The following PLCB1 variants were observed in gnomAD, a reference collection of about 807,000 sequenced individuals.
PLCB1 encodes the protein 1-phosphatidylinositol 4,5-bisphosphate phosphodiesterase beta-1.
A neutral mutation model predicts 161.8 loss-of-function variants in PLCB1; 46 were observed. The ratio of observed to expected loss-of-function variants is 0.28; its 90% CI spans 0.22 to 0.36. The LOEUF (loss-of-function observed/expected upper bound fraction) is 0.36. Ranked by LOEUF, PLCB1 falls within the 10% of genes least tolerant of loss-of-function variation. The pLI is 1.00. For synonymous variants in PLCB1, 517 were observed against 503.7 expected (o/e 1.03, Z -0.35); for missense variants, 1,016 against 1,472.5 (o/e 0.69, Z 5.07).
intron 2 of PLCB1, among the ~76,000 whole-genome samples, chr20:8,285,524 T>C (rs1368171288): frequency 6.6e-6 from 1 of 152,124 alleles, no homozygotes; most frequent in Non-Finnish European, 1.5e-5. Flanking sequence ...GATATTACAG[T>C]CATAGGTTCA....
chr20:8,788,303 G>A, intron 27 of PLCB1, 146 bp from the exon 28 acceptor site: 1 of 676,472 alleles, frequency 1.5e-6, no homozygotes, highest in Non-Finnish European at 2.5e-6. Context: ...TGTCCTCATT[G>A]CCAATGTTAG....
At chr20:8,173,245 G>C (rs769560170) in intron 2 of PLCB1, among the ~76,000 whole-genome samples, 4 of 152,170 alleles carry the variant, frequency 2.6e-5, no homozygotes, top group African/African-American at 9.6e-5. Context: ...GAGTGACACC[G>C]GTAAGAGGTA....
chr20:8,456,557 A>C (rs1981326678), intron 3 of PLCB1, among the ~76,000 whole-genome samples: 1 of 152,208 alleles, frequency 6.6e-6, no homozygotes, highest in South Asian at 2.1e-4. Flanking sequence ...TTTTATGAGA[A>C]AAATAAATAA....
chr20:8,834,810 G>GAA lies in PLCB1; in HGVS notation c.3423+44575_3423+44576dup, dbSNP rs10568816. The stretch of plus-strand genomic sequence containing the variant: ...AGCCTGGGCGATAGACTCTGCCTCA[G>GAA]AAAAAAAAAAAAAAAAAAAAAAAAA... On this transcript the variant is annotated intron_variant, in intron 31 of 31. Coordinates refer to ENST00000338037, the MANE Select transcript of PLCB1 (RefSeq NM_015192.4). Among the ~76,000 whole-genome samples, 448 of 85,480 alleles carry GAA rather than the reference G, an allele frequency of 5.2e-3. 26 individuals are homozygous for GAA. Among genetic ancestry groups the GAA allele is most frequent in the South Asian group, 0.011 (24 of 2,236 alleles). 56.1% of individuals were successfully genotyped at this position (85,480 alleles called of 152,430 possible).
intron 2 of PLCB1, among the ~76,000 whole-genome samples, chr20:8,187,623 C>T (rs1467118413): frequency 1.3e-5 from 2 of 151,740 alleles, no homozygotes; most frequent in East Asian, 1.9e-4. Context: ...CATTCTTCTG[C>T]ACTTAGACTT....
At chr20:8,494,856 A>T (rs972161029) in intron 3 of PLCB1, among the ~76,000 whole-genome samples, 6 of 152,188 alleles carry the variant, frequency 3.9e-5, no homozygotes, top group Non-Finnish European at 8.8e-5. Context: ...GTTTCATGTT[A>T]TGTAAAACAC....
chr20:8,696,223 G>T (rs1275120680), intron 10 of PLCB1, among the ~76,000 whole-genome samples: 1 of 152,084 alleles, frequency 6.6e-6, no homozygotes, highest in East Asian at 1.9e-4. Flanking sequence ...TTATTTTTAT[G>T]TGGCTATCCA....
intron 23 of PLCB1, among the ~76,000 whole-genome samples, chr20:8,743,015 T>C (rs997658075): frequency 6.6e-6 from 1 of 152,228 alleles, no homozygotes; most frequent in Non-Finnish European, 1.5e-5. Context: ...TAATTTGACT[T>C]TTTCCAGTTT....
intron 2 of PLCB1, among the ~76,000 whole-genome samples, chr20:8,214,189 T>A (rs940125338): frequency 4.6e-5 from 7 of 152,146 alleles, no homozygotes; most frequent in African/African-American, 1.4e-4. Flanking sequence ...AAAGTAGCTA[T>A]GTAACATAGT....
chr20:8,678,915 G>A (rs1480715053), intron 9 of PLCB1, among the ~76,000 whole-genome samples: 1 of 152,122 alleles, frequency 6.6e-6, no homozygotes, highest in South Asian at 2.1e-4. Context: ...CTGATTGCAT[G>A]GGCTGCAACT....
intron 3 of PLCB1, among the ~76,000 whole-genome samples, chr20:8,523,058 A>T (rs1196481181): frequency 6.6e-6 from 1 of 152,144 alleles, no homozygotes; most frequent in African/African-American, 2.4e-5. Context: ...GCAGTTGAGG[A>T]TGAGATTGCT....
intron 2 of PLCB1, among the ~76,000 whole-genome samples, chr20:8,255,397 A>G (rs1981360460): frequency 6.6e-6 from 1 of 152,122 alleles, no homozygotes; most frequent in Non-Finnish European, 1.5e-5. Flanking sequence ...GAAACAAAAC[A>G]GAACAAGACA....
In PLCB1 at chr20:8,555,167, G is replaced by A. The variant is rs116959909; in HGVS notation, c.247-73127G>A. On this transcript the variant is annotated intron_variant, in intron 3 of 31. Coordinates refer to ENST00000338037, the MANE Select transcript of PLCB1 (RefSeq NM_015192.4). ...TTTTGCTGGTTTTATCAGTGTTTTC[G>A]TGGAGAAATGGGCCCTTGGGGCTCC... Among the ~76,000 whole-genome samples the A allele has an allele frequency of 4.4e-4, 67 of 151,994 alleles. 2 individuals carry two copies. Among genetic ancestry groups the A allele is most frequent in the East Asian group, 2.1e-3 (11 of 5,156 alleles).
At chr20:8,496,285 A>G (rs1409266061) in intron 3 of PLCB1, among the ~76,000 whole-genome samples, 2 of 151,272 alleles carry the variant, frequency 1.3e-5, no homozygotes, top group African/African-American at 4.9e-5. Context: ...TTGAGCCCAG[A>G]AGTTCGAGAC....
At chr20:8,274,004 G>GA (rs1399152430) in intron 2 of PLCB1, among the ~76,000 whole-genome samples, 3 of 152,116 alleles carry the variant, frequency 2.0e-5, no homozygotes, top group Non-Finnish European at 4.4e-5. Flanking sequence ...AGATATAGGA[G>GA]AAAAAATCAT....
chr20:8,501,721 T>G (rs1983415037), intron 3 of PLCB1, among the ~76,000 whole-genome samples: 1 of 152,130 alleles, frequency 6.6e-6, no homozygotes, highest in Admixed American at 6.5e-5. Flanking sequence ...GAGTTGAGTT[T>G]CCTGTAAATT....
chr20:8,449,660 G>A (rs1319487386), intron 3 of PLCB1, among the ~76,000 whole-genome samples: 1 of 152,150 alleles, frequency 6.6e-6, no homozygotes, highest in East Asian at 1.9e-4. Flanking sequence ...CCCTAACAGG[G>A]GTGAGCCCCC....
intron 31 of PLCB1, among the ~76,000 whole-genome samples, chr20:8,866,511 T>A (rs2146319603): frequency 6.6e-6 from 1 of 152,334 alleles, no homozygotes; most frequent in South Asian, 2.1e-4. Context: ...GTTTTGTAAA[T>A]TTCTAATTTA....
At chr20:8,638,486 A>G (rs1475578978) in intron 4 of PLCB1, among the ~76,000 whole-genome samples, 2 of 152,138 alleles carry the variant, frequency 1.3e-5, no homozygotes, top group African/African-American at 2.4e-5. Context: ...CAGTCAAGGA[A>G]AAACATTATA....
Sources: allele counts gnomAD v4.1 joint callset (sites outside exome capture counted in the v4.1 genomes callset), GRCh38; gene constraint gnomAD v4.1.1; transcripts MANE v1.5; gene names NCBI Gene and HGNC (gene_info 2026-07-23, HGNC 2026-07-21).